PDE1A: variants seen among roughly 807,000 people sequenced by gnomAD.
PDE1A encodes phosphodiesterase 1A.
PDE1A carries 35 observed loss-of-function variants against 61.7 expected under a neutral mutation model. The ratio of observed to expected loss-of-function variants is 0.57; its 90% CI spans 0.43 to 0.75. The LOEUF is 0.75. PDE1A is among the 30% of genes least tolerant of loss of function. PDE1A has a pLI of 0.00. For synonymous variants in PDE1A, 232 were observed against 213.2 expected (o/e 1.09, Z -0.77); for missense variants, 597 against 630.6 (o/e 0.95, Z 0.57).
At chr2:182,552,542 G>A in the PDE1A span, among the ~76,000 whole-genome samples, 1 of 146,726 alleles carries the variant, frequency 6.8e-6, no homozygotes, top group Non-Finnish European at 1.5e-5. Flanking sequence ...GACAGGACTA[G>A]CTGGATTTCC....
At chr2:182,196,805 T>G (rs536505309) in intron 10 of PDE1A, among the ~76,000 whole-genome samples, 1 of 152,076 alleles carries the variant, frequency 6.6e-6, no homozygotes, top group African/African-American at 2.4e-5. Flanking sequence ...CCATGATTTA[T>G]TTTTTATCCA....
chr2:182,451,109 TGGCTC>T, intron 2 of PDE1A, among the ~76,000 whole-genome samples: 3 of 18,246 alleles, frequency 1.6e-4, no homozygotes, highest in Non-Finnish European at 2.2e-4. Flanking sequence ...CCGGGCGCGG[TGGCTC>T]ACGCCTGTAA....
At chr2:182,492,833 C>G (rs1027611928) in intron 2 of PDE1A, among the ~76,000 whole-genome samples, 1 of 152,144 alleles carries the variant, frequency 6.6e-6, no homozygotes. Flanking sequence ...AAGTCTGATT[C>G]TCAGAAAGAT....
At chr2:182,219,401 C>T (rs532179266) in intron 7 of PDE1A, among the ~76,000 whole-genome samples, 3 of 152,130 alleles carry the variant, frequency 2.0e-5, no homozygotes, top group African/African-American at 2.4e-5. Context: ...GGAACCTGGG[C>T]TTGTCCTTCC....
the PDE1A span, among the ~76,000 whole-genome samples, chr2:182,538,625 C>A: frequency 6.6e-6 from 1 of 152,002 alleles, no homozygotes; most frequent in Admixed American, 6.6e-5. Context: ...ATGTAAATAT[C>A]TTATGAATAG....
rs1273166805 is a variant in PDE1A at position 182,352,063 on chromosome 2, T to C, written c.53+74515A>G. Among the ~76,000 whole-genome samples, 8 of 152,336 alleles carry C rather than the reference T, an allele frequency of 5.3e-5. No homozygotes were observed. The South Asian group carries it at 1.5e-3, about 28-fold the overall frequency. ...CTTCATGGGTCTCTTCATTCCTACA[T>C]GTGCTGCCGTGTGTGCACCAAGACT... is the stretch of plus-strand genomic sequence containing the variant. On this transcript the variant is annotated intron_variant, in intron 1 of 13. Coordinates refer to ENST00000351439, the Ensembl canonical transcript of PDE1A.
At chr2:182,231,206 C>G in intron 4 of PDE1A, 75 bp from the exon 5 acceptor site, 1 of 780,760 alleles carries the variant, frequency 1.3e-6, no homozygotes, top group Non-Finnish European at 2.1e-6. Context: ...AAAGATAAGG[C>G]ATTGTACATT....
intron 10 of PDE1A, among the ~76,000 whole-genome samples, chr2:182,195,883 G>C (rs1427644343): frequency 1.3e-5 from 2 of 151,988 alleles, no homozygotes; most frequent in Non-Finnish European, 2.9e-5. Flanking sequence ...TAATTTCTAG[G>C]ACATATGCAT....
At chr2:182,446,903 C>G (rs1192977910) in intron 2 of PDE1A, among the ~76,000 whole-genome samples, 1 of 151,576 alleles carries the variant, frequency 6.6e-6, no homozygotes. Context: ...ATAATCATCA[C>G]CACCATATGG....
At chr2:182,403,925 A>T (rs1375503891) in intron 1 of PDE1A, among the ~76,000 whole-genome samples, 1 of 152,162 alleles carries the variant, frequency 6.6e-6, no homozygotes, top group African/African-American at 2.4e-5. Flanking sequence ...TGGCACGTGT[A>T]TACCTACGTA....
chr2:182,663,967 T>C, the PDE1A span, among the ~76,000 whole-genome samples: 2 of 152,136 alleles, frequency 1.3e-5, no homozygotes, highest in Non-Finnish European at 2.9e-5. Flanking sequence ...AGAAAACTTA[T>C]CTGAAACCCT....
chr2:182,364,622 T>C (rs1699733730), intron 1 of PDE1A, among the ~76,000 whole-genome samples: 1 of 151,624 alleles, frequency 6.6e-6, no homozygotes, highest in South Asian at 2.1e-4. Context: ...TTCCAATGCA[T>C]CCTTCTTATT....
chr2:182,212,052 G>C (rs544632627), intron 7 of PDE1A, among the ~76,000 whole-genome samples: 218 of 152,132 alleles, frequency 1.4e-3, no homozygotes, highest in African/African-American at 5.1e-3. Context: ...ACAAAAATTA[G>C]TTGTGAGAGG....
At chr2:182,336,917 C>T (rs1217423248) in intron 1 of PDE1A, among the ~76,000 whole-genome samples, 1 of 148,604 alleles carries the variant, frequency 6.7e-6, no homozygotes, top group Non-Finnish European at 1.5e-5. Flanking sequence ...CCATGGCACA[C>T]ATAGACCTAA....
At chr2:182,423,193 G>A (rs1440011043) in intron 1 of PDE1A, among the ~76,000 whole-genome samples, 1 of 152,026 alleles carries the variant, frequency 6.6e-6, no homozygotes, top group Admixed American at 6.6e-5. Context: ...TCATTGACAT[G>A]ATATGAAAAT....
At chr2:182,191,584 CAGAAGATACAGTCAGCTGTA>C (rs1685690431) in intron 10 of PDE1A, among the ~76,000 whole-genome samples, 2 of 151,572 alleles carry the variant, frequency 1.3e-5, no homozygotes, top group Non-Finnish European at 2.9e-5. Context: ...GTCTTAGAAT[CAGAAGATACAGTCAGCTGTA>C]TCTTTTGCAA....
At chr2:182,446,758 G>A (rs1685164460) in intron 2 of PDE1A, among the ~76,000 whole-genome samples, 1 of 152,022 alleles carries the variant, frequency 6.6e-6, no homozygotes, top group South Asian at 2.1e-4. Context: ...TTCTCTGGTA[G>A]AGAATAAAGA....
the PDE1A span, among the ~76,000 whole-genome samples, chr2:182,613,394 C>G: frequency 6.6e-6 from 1 of 151,968 alleles, no homozygotes; most frequent in Non-Finnish European, 1.5e-5. Flanking sequence ...AACCCCATCT[C>G]TACTAAAAAT....
the PDE1A span, among the ~76,000 whole-genome samples, chr2:182,578,677 T>A: frequency 6.6e-6 from 1 of 152,204 alleles, no homozygotes; most frequent in Non-Finnish European, 1.5e-5. Flanking sequence ...ATAAGCTAGC[T>A]TTTTTACATG....
Sources: gnomAD v4.1 joint callset for allele counts (sites outside exome capture counted in the v4.1 genomes callset) on GRCh38, gnomAD v4.1.1 for gene constraint, MANE v1.5 for transcripts, NCBI Gene and HGNC (gene_info 2026-07-23, HGNC 2026-07-21) for gene names.